Variants in ADSL observed in about 807,000 individuals in gnomAD.
ADSL encodes the protein adenylosuccinate lyase, also known as adenylosuccinase.
Under a neutral mutation model 62.1 loss-of-function variants are expected in ADSL, and 44 were observed. That is an observed-to-expected ratio of 0.71 (90% CI 0.56 to 0.91). ADSL has a LOEUF of 0.91. ADSL is among the 40% of genes least tolerant of loss of function. The probability of loss-of-function intolerance (pLI) is 0.00; values close to 1 mark genes in which losing one functional copy is unlikely to be tolerated. For synonymous variants in ADSL, 198 were observed against 220.5 expected (o/e 0.90, Z 0.90); for missense variants, 531 against 627.4 (o/e 0.85, Z 1.64).
At chr22:40,371,467 G>A (rs2045465230), downstream of ADSL, among the ~76,000 whole-genome samples, 2 of 152,036 alleles carry the variant, frequency 1.3e-5, no homozygotes, top group African/African-American at 4.8e-5. Context: ...TTCTTTCTTA[G>A]TAAATTCAAG....
At chr22:40,382,498 G>A (rs568276567) in intron 2 of ADSL, among the ~76,000 whole-genome samples, 10 of 152,246 alleles carry the variant, frequency 6.6e-5, no homozygotes, top group Admixed American at 6.5e-4. Context: ...ACCTCTCCAT[G>A]TTACCTTACC....
intron 2 of ADSL, among the ~76,000 whole-genome samples, chr22:40,375,871 C>T (rs12168661): frequency 2.0e-5 from 3 of 151,832 alleles, no homozygotes; most frequent in Non-Finnish European, 4.4e-5. Flanking sequence ...GACCCTGCCT[C>T]TACAAAAAAA....
At chr22:40,356,378 T>A (rs2044557578) in intron 4 of ADSL, among the ~76,000 whole-genome samples, 1 of 149,046 alleles carries the variant, frequency 6.7e-6, no homozygotes, top group Admixed American at 6.7e-5. Context: ...GTGCTAAAAA[T>A]AACACAAATA....
At chr22:40,350,374 C>T (rs908877124) in intron 2 of ADSL, 6 of 262,208 alleles carry the variant, frequency 2.3e-5, no homozygotes, top group South Asian at 2.1e-4. Flanking sequence ...GATCCACCCC[C>T]CTCAGCCTCC....
downstream of ADSL, among the ~76,000 whole-genome samples, chr22:40,370,387 T>C (rs191422918): frequency 5.1e-4 from 78 of 151,914 alleles, no homozygotes; most frequent in Non-Finnish European, 9.0e-4. Context: ...TAGCAAGTTA[T>C]TTGCAGCGTC....
chr22:40,375,649 T>C (rs2046421207), intron 2 of ADSL, among the ~76,000 whole-genome samples: 1 of 149,060 alleles, frequency 6.7e-6, no homozygotes, highest in African/African-American at 2.4e-5. Flanking sequence ...GGGTATAATT[T>C]CCAATTAAGA....
At position 40,348,284 on chromosome 22, in the gene ADSL, T is replaced by C. The variant is rs2044217660; in HGVS notation, c.154-1548T>C. The C allele has an allele frequency of 1.3e-5, 5 of 397,196 alleles. No homozygotes were observed. The East Asian group carries it at 1.8e-4, about 14-fold the overall frequency. The allele number at this position is 397,196 out of a possible 1,614,324, so 24.6% of individuals were successfully genotyped here. A position where few individuals can be genotyped will look rare whatever the true frequency, so the allele number is the denominator to read the frequency against. ...TTGGAAGGAGCCCAGAGGTGTCATG[T>C]CTTCTGTGACTGTAAAGGTTCCAGG... On this transcript the variant is annotated intron_variant, in intron 1 of 12. Transcript: ENST00000623063.
chr22:40,383,415 C>T (rs890655271), intron 2 of ADSL, among the ~76,000 whole-genome samples: 2 of 149,612 alleles, frequency 1.3e-5, no homozygotes, highest in Non-Finnish European at 3.0e-5. Flanking sequence ...CGCAGTGAGC[C>T]GAGATCACGC....
chr22:40,346,856 C>T, intron 1 of ADSL, 145 bp downstream of exon 1: 2 of 866,620 alleles, frequency 2.3e-6, no homozygotes, highest in Non-Finnish European at 3.4e-6. Flanking sequence ...TGAGGAGCTG[C>T]GGCCCCAGGA....
chr22:40,374,753 G>A (rs760860888), intron 2 of ADSL, among the ~76,000 whole-genome samples: 1 of 152,208 alleles, frequency 6.6e-6, no homozygotes, highest in Admixed American at 6.5e-5. Flanking sequence ...GGTGATGTGC[G>A]CCTGTGGTCC....
chr22:40,349,151 G>A (rs1211840798), intron 1 of ADSL, among the ~76,000 whole-genome samples: 1 of 152,090 alleles, frequency 6.6e-6, no homozygotes, highest in African/African-American at 2.4e-5. Flanking sequence ...AGAGGGAAAT[G>A]ACAGGTTAAT....
intron 2 of ADSL, among the ~76,000 whole-genome samples, chr22:40,380,889 C>T (rs1359016859): frequency 1.3e-5 from 2 of 152,042 alleles, no homozygotes; most frequent in African/African-American, 4.8e-5. Flanking sequence ...GAGCTGTGAT[C>T]ACACCACTTC....
intron 2 of ADSL, chr22:40,351,806 A>T (rs2044357597): frequency 6.6e-6 from 1 of 152,110 alleles, no homozygotes; most frequent in South Asian, 2.1e-4. Flanking sequence ...GGCGCCCGCC[A>T]CCACACCCGG....
chr22:40,349,820 C>T lies in ADSL; in HGVS notation c.154-12C>T. On this transcript the variant is annotated splice_polypyrimidine_tract_variant and intron_variant, in intron 1 of 12. Coordinates refer to ENST00000623063, the MANE Select transcript of ADSL (RefSeq NM_000026.4). ...ACTGAGACTATTTTATTTTATTTTG[C>T]CTATTCTGCAGACATTGGGTTTGCC... 6.2e-7 allele frequency: 1 copy of T among 1,611,360 alleles called. No homozygotes were observed. Among genetic ancestry groups the T allele is most frequent in the Non-Finnish European group, 8.5e-7 (1 of 1,177,742 alleles).
rs200713871 is a variant in ADSL at position 40,346,548 on chromosome 22, G to A, written c.-11G>A. On this transcript the variant is annotated 5_prime_UTR_variant, in exon 1 of 13. Transcript: ENST00000623063. ...TGGTCCAGTCCACCCTGGCGGGGTC[G>A]CAGGGTTGGGATGGCGGCTGGAGGC... 1.9e-6 allele frequency: 3 copies of A among 1,600,414 alleles called. No homozygotes were observed. Among genetic ancestry groups the A allele is most frequent in the East Asian group, 2.2e-5 (1 of 44,500 alleles).
Position 40,362,846 on chromosome 22 carries a change from G to GTA in ADSL, c.1011-135_1011-134insTA. 3.4e-6 allele frequency: 3 copies of GTA among 886,532 alleles called. No homozygotes were observed. In the South Asian group the frequency reaches 4.0e-5, roughly 12 times the overall value. The allele number at this position is 886,532 out of a possible 1,614,324, so 54.9% of individuals were successfully genotyped here. Reference sequence around the variant, plus strand: ...GAGGTGACAGATTTGAGGGTCGTGAGGTTATTGGGGTAATCATAAGATTGA... The same window carrying GTA: ...GAGGTGACAGATTTGAGGGTCGTGAGTAGTTATTGGGGTAATCATAAGATTGA... On this transcript the variant is annotated intron_variant, in intron 9 of 12. Coordinates refer to ENST00000623063, the MANE Select transcript of ADSL (RefSeq NM_000026.4).
downstream of ADSL, chr22:40,372,956 C>G (rs1458359749): frequency 6.6e-6 from 1 of 152,124 alleles, no homozygotes; most frequent in Non-Finnish European, 1.5e-5. Context: ...CAGACTGTCA[C>G]AAGGAAATGG....
rs780189315 is a variant in ADSL at position 40,350,103 on chromosome 22, T to A, written c.357+68T>A. ...ATCTATTTGTCAATTTTATTTGATGTTGTCCAGTTGAGGAAGTGACACTAT... is the reference window on the plus strand; with the variant it reads ...ATCTATTTGTCAATTTTATTTGATGATGTCCAGTTGAGGAAGTGACACTAT... On this transcript the variant is annotated intron_variant, in intron 2 of 12. Transcript: ENST00000623063. 5.4e-6 allele frequency: 8 copies of A among 1,482,972 alleles called. No homozygotes were observed. In the East Asian group the frequency reaches 1.8e-4, roughly 33 times the overall value. 91.9% of individuals were successfully genotyped at this position (1,482,972 alleles called of 1,614,324 possible).
In ADSL at chr22:40,363,141, G is replaced by A. The variant is rs1298338864; in HGVS notation, c.1101+70G>A. The A allele has an allele frequency of 4.2e-6, 6 of 1,415,070 alleles. No homozygotes were observed. The Admixed American group carries it at 8.4e-5, about 20-fold the overall frequency. The allele number at this position is 1,415,070 out of a possible 1,614,324, so 87.7% of individuals were successfully genotyped here. On this transcript the variant is annotated intron_variant, in intron 10 of 12. Transcript: ENST00000623063. The stretch of plus-strand genomic sequence containing the variant: ...AATGTGGGAGGGAGGGTGCTCTGGG[G>A]TGTGTTGAGGGAGCTGTATTCTGAT...
Sources: allele counts gnomAD v4.1 joint callset (sites outside exome capture counted in the v4.1 genomes callset), GRCh38; gene constraint gnomAD v4.1.1; transcripts MANE v1.5; gene names NCBI Gene and HGNC (gene_info 2026-07-23, HGNC 2026-07-21).